Variants in IFT56 observed in about 807,000 individuals in gnomAD.
IFT56 encodes intraflagellar transport 56.
chr7:139,174,920 C>T, the IFT56 span, among the ~76,000 whole-genome samples: 1 of 152,102 alleles, frequency 6.6e-6, no homozygotes, highest in East Asian at 1.9e-4. Context: ...ACTCAGGAGA[C>T]TGAGGCAGGA....
chr7:139,137,819 G>A, the IFT56 span: 2 of 1,586,646 alleles, frequency 1.3e-6, no homozygotes, highest in African/African-American at 2.7e-5. Context: ...AAATTTTCAT[G>A]TTTTTTAAAT....
At chr7:139,148,815 G>C in the IFT56 span, among the ~76,000 whole-genome samples, 2 of 151,758 alleles carry the variant, frequency 1.3e-5, no homozygotes, top group African/African-American at 2.4e-5. Context: ...CAGCTACTGG[G>C]GGGTTCGGGG....
chr7:139,185,290 A>G, the IFT56 span, among the ~76,000 whole-genome samples: 1 of 152,064 alleles, frequency 6.6e-6, no homozygotes, highest in Non-Finnish European at 1.5e-5. Flanking sequence ...GACCATCATC[A>G]ACATACACGG....
At chr7:139,139,374 G>A in the IFT56 span, among the ~76,000 whole-genome samples, 1 of 152,164 alleles carries the variant, frequency 6.6e-6, no homozygotes. Context: ...CTGATAAAAA[G>A]TGAGAGTGTA....
the IFT56 span, among the ~76,000 whole-genome samples, chr7:139,137,253 A>G: frequency 6.6e-6 from 1 of 152,226 alleles, no homozygotes; most frequent in East Asian, 1.9e-4. Context: ...TTTGTTCACA[A>G]TGGACATAAG....
At chr7:139,179,422 C>T in the IFT56 span, 4 of 606,586 alleles carry the variant, frequency 6.6e-6, no homozygotes, top group Non-Finnish European at 1.2e-5. Flanking sequence ...TTTAAATCAC[C>T]ACAATTCTGT....
chr7:139,178,335 A>G, the IFT56 span: 2 of 1,561,014 alleles, frequency 1.3e-6, no homozygotes, highest in African/African-American at 2.7e-5. Context: ...GACTTTATAT[A>G]CAAAATACTA....
the IFT56 span, among the ~76,000 whole-genome samples, chr7:139,144,146 C>T: frequency 6.6e-6 from 1 of 152,166 alleles, no homozygotes; most frequent in East Asian, 1.9e-4. Context: ...AAATCATTTT[C>T]CATTTGAGGA....
the IFT56 span, chr7:139,172,505 T>C: frequency 2.2e-6 from 1 of 452,446 alleles, no homozygotes; most frequent in Non-Finnish European, 4.4e-6. Flanking sequence ...TACAGAACCA[T>C]CAACACTGTA....
At chr7:139,175,112 G>A in the IFT56 span, among the ~76,000 whole-genome samples, 1 of 152,088 alleles carries the variant, frequency 6.6e-6, no homozygotes, top group Non-Finnish European at 1.5e-5. Context: ...TCAGAGAAAT[G>A]CAAATCAAAA....
the IFT56 span, chr7:139,174,090 G>A: frequency 1.7e-6 from 1 of 600,244 alleles, no homozygotes; most frequent in Non-Finnish European, 3.3e-6. Flanking sequence ...TGCTGCTCAG[G>A]CGAGCTACAG....
the IFT56 span, among the ~76,000 whole-genome samples, chr7:139,146,721 C>T: frequency 1.4e-5 from 2 of 140,180 alleles, no homozygotes; most frequent in African/African-American, 5.5e-5. Context: ...GAGCCGAGAT[C>T]GTGCCATTGC....
At chr7:139,148,813 G>T in the IFT56 span, among the ~76,000 whole-genome samples, 2 of 151,352 alleles carry the variant, frequency 1.3e-5, no homozygotes, top group Admixed American at 6.6e-5. Flanking sequence ...CCCAGCTACT[G>T]GGGGGTTCGG....
At chr7:139,187,389 T>A in the IFT56 span, 1 of 1,613,646 alleles carries the variant, frequency 6.2e-7, no homozygotes, top group Admixed American at 1.7e-5. Flanking sequence ...TATTACCACA[T>A]ACGTTCTCTT....
chr7:139,137,853 C>T, the IFT56 span: 302 of 1,611,922 alleles, frequency 1.9e-4, no homozygotes, highest in East Asian at 4.5e-3. Context: ...GAAGTTCAAA[C>T]GTCATGTTGG....
the IFT56 span, among the ~76,000 whole-genome samples, chr7:139,170,137 T>A: frequency 1.3e-5 from 2 of 152,062 alleles, no homozygotes; most frequent in African/African-American, 4.8e-5. Context: ...CCTAGACACA[T>A]ACAACCAACC....
chr7:139,181,187 GA>G, the IFT56 span: 1 of 1,610,762 alleles, frequency 6.2e-7, no homozygotes, highest in Non-Finnish European at 8.5e-7. Flanking sequence ...CATTGCTAAT[GA>G]CTGCTACAAG....
the IFT56 span, chr7:139,190,225 T>TTTGTTGTTGTTG: frequency 6.9e-6 from 1 of 145,346 alleles, no homozygotes; most frequent in Non-Finnish European, 1.5e-5. Context: ...AACATCAGTT[T>TTTGTTGTTGTTG]TTGTTGTTGT....
chr7:139,160,833 G>A, the IFT56 span: 3 of 680,354 alleles, frequency 4.4e-6, no homozygotes, highest in South Asian at 6.1e-5. Flanking sequence ...AGAGTCATGA[G>A]GATCAAATGA....
Sources: allele counts gnomAD v4.1 joint callset (sites outside exome capture counted in the v4.1 genomes callset), GRCh38; gene constraint gnomAD v4.1.1; transcripts MANE v1.5; gene names NCBI Gene and HGNC (gene_info 2026-07-23, HGNC 2026-07-21).